The following FRMPD2 variants were observed in gnomAD, a reference collection of about 807,000 sequenced individuals.
The protein encoded by FRMPD2 is FERM and PDZ domain-containing protein 2.
Under a neutral mutation model 140.1 loss-of-function variants are expected in FRMPD2, and 96 were observed. The observed-to-expected ratio is 0.69, with a 90% confidence interval of 0.58 to 0.81. FRMPD2 has a LOEUF of 0.81. Among genes scored for constraint, FRMPD2 ranks in the 40% least tolerant of loss-of-function variants. The probability of loss-of-function intolerance (pLI) is 0.00; values close to 1 mark genes in which losing one functional copy is unlikely to be tolerated. For synonymous variants in FRMPD2, 449 were observed against 547.6 expected, an observed-to-expected ratio of 0.82 and a Z score of 2.52; for missense variants, 1,240 against 1,447.4, an observed-to-expected ratio of 0.86 and a Z score of 2.32.
chr10:48,271,939 G>A (rs1407688838), intron 1 of FRMPD2, among the ~76,000 whole-genome samples: 1 of 152,146 alleles, frequency 6.6e-6, no homozygotes, highest in Non-Finnish European at 1.5e-5. Context: ...ATAAATCCTA[G>A]CTATTCATAT....
At chr10:48,262,294 G>A (rs922729475) in intron 1 of FRMPD2, among the ~76,000 whole-genome samples, 5 of 152,166 alleles carry the variant, frequency 3.3e-5, no homozygotes, top group African/African-American at 1.2e-4. Context: ...CTAAAAGGAT[G>A]TAGACAGATA....
intron 15 of FRMPD2, among the ~76,000 whole-genome samples, chr10:48,199,232 T>C (rs185170079): frequency 7.5e-6 from 1 of 132,936 alleles, no homozygotes; most frequent in Admixed American, 7.4e-5. Flanking sequence ...CCCCTGCATC[T>C]AAAATAAAAG....
chr10:48,186,400 G>A (rs1341100405), intron 17 of FRMPD2, among the ~76,000 whole-genome samples: 1 of 152,176 alleles, frequency 6.6e-6, no homozygotes, highest in Non-Finnish European at 1.5e-5. Flanking sequence ...AACTTGAATT[G>A]TATCTCCCAG....
At position 48,232,263 on chromosome 10, in the gene FRMPD2, A is replaced by G. The variant is rs753866161; in HGVS notation, c.1020T>C (p.Ala340=). Residue 340 remains alanine, a synonymous_variant, in exon 10 of 29, where the codon GCT becomes GCC. Coordinates refer to ENST00000374201, the MANE Select transcript of FRMPD2 (RefSeq NM_001018071.4). ...GCAGGACCACACAGAGGTCCCTGAG[A>G]GCCAAATAGGATTTCCCTTTTTTGG... is the stretch of plus-strand genomic sequence containing the variant. ...VVTKKGKSYL[A]LRDLCVVLLN... 1.2e-6 allele frequency: 2 copies of G among 1,612,296 alleles called. No individual in the cohort carries two copies. The highest frequency in any genetic ancestry group is 1.1e-5 in the South Asian group (1 of 90,744).
chr10:48,169,819 A>G lies in FRMPD2; in HGVS notation c.3439-1126T>C, dbSNP rs1838192233. On this transcript the variant is annotated intron_variant, in intron 26 of 28. Transcript: ENST00000374201. ...AATCTCTGCTTAAGAACTGCTGATC[A>G]AGACACTCCCCAGTCCCTGCTTCAG... is the stretch of plus-strand genomic sequence containing the variant. Among the ~76,000 whole-genome samples the G allele has an allele frequency of 2.2e-5, 2 of 89,508 alleles. 1 individual carries two copies. The highest frequency in any genetic ancestry group is 5.6e-4 in the South Asian group (2 of 3,566). The allele number at this position is 89,508 out of a possible 152,430, so 58.7% of individuals were successfully genotyped here. A position where few individuals can be genotyped will look rare whatever the true frequency, so the allele number is the denominator to read the frequency against.
At chr10:48,220,117 T>C (rs1157941172) in intron 12 of FRMPD2, among the ~76,000 whole-genome samples, 1 of 152,146 alleles carries the variant, frequency 6.6e-6, no homozygotes, top group Non-Finnish European at 1.5e-5. Flanking sequence ...AAAGGTTGGC[T>C]ATTACTATTC....
intron 3 of FRMPD2, chr10:48,248,778 A>G (rs1564439431): frequency 2.9e-6 from 1 of 346,226 alleles, no homozygotes; most frequent in East Asian, 4.7e-5. Flanking sequence ...TGATCAATTA[A>G]GCCACATTAA....
intron 1 of FRMPD2, 130 bp downstream of exon 1, chr10:48,274,413 C>T (rs2131996410): frequency 1.3e-6 from 1 of 771,888 alleles, no homozygotes; most frequent in Admixed American, 2.2e-5. Flanking sequence ...CCAAATAATA[C>T]CACAAAGGGC....
intron 26 of FRMPD2, among the ~76,000 whole-genome samples, chr10:48,170,267 T>C (rs1274036148): frequency 2.0e-5 from 3 of 151,410 alleles, no homozygotes; most frequent in Non-Finnish European, 4.4e-5. Flanking sequence ...GCGGAGGTCA[T>C]TGCTCCTTCC....
chr10:48,177,059 A>G (rs1202877702), intron 22 of FRMPD2, among the ~76,000 whole-genome samples: 1 of 151,124 alleles, frequency 6.6e-6, no homozygotes, highest in Admixed American at 6.6e-5. Flanking sequence ...TCCAACAATG[A>G]CATTCCTGAA....
intron 12 of FRMPD2, among the ~76,000 whole-genome samples, chr10:48,216,396 A>G (rs1314235373): frequency 6.6e-6 from 1 of 152,190 alleles, no homozygotes. Context: ...AGGCTCATAG[A>G]GACAGGTCTG....
At chr10:48,222,840 G>A (rs773889676) in intron 11 of FRMPD2, among the ~76,000 whole-genome samples, 1 of 152,138 alleles carries the variant, frequency 6.6e-6, no homozygotes, top group Admixed American at 6.5e-5. Context: ...TTGGGGGTGA[G>A]GGGGCATTTT....
intron 1 of FRMPD2, among the ~76,000 whole-genome samples, chr10:48,261,943 T>C (rs901252822): frequency 6.6e-6 from 1 of 152,246 alleles, no homozygotes. Flanking sequence ...GAGCAACTAC[T>C]AGAAATATTT....
chr10:48,220,758 T>C (rs1050413872), intron 12 of FRMPD2, among the ~76,000 whole-genome samples: 1 of 151,958 alleles, frequency 6.6e-6, no homozygotes, highest in African/African-American at 2.4e-5. Flanking sequence ...AGCAAACGAT[T>C]TCATCAGAAA....
chr10:48,222,488 T>C (rs1271335241), intron 11 of FRMPD2, 37 bp from the exon 12 acceptor site: 2 of 1,609,952 alleles, frequency 1.2e-6, no homozygotes, highest in Non-Finnish European at 1.7e-6. Flanking sequence ...GCTGGGTTGC[T>C]AAGGGAAAGG....
chr10:48,244,392 T>C (rs771731736), intron 4 of FRMPD2, among the ~76,000 whole-genome samples: 5 of 152,256 alleles, frequency 3.3e-5, no homozygotes, highest in Non-Finnish European at 7.3e-5. Flanking sequence ...CCCAAATCTA[T>C]TGAGCCCAGA....
chr10:48,232,440 A>G (rs898262657), intron 9 of FRMPD2, 151 bp from the exon 10 acceptor site: 2 of 638,586 alleles, frequency 3.1e-6, no homozygotes, highest in Non-Finnish European at 5.3e-6. Context: ...TATGCAGCAG[A>G]TGAGAAACTA....
intron 22 of FRMPD2, among the ~76,000 whole-genome samples, chr10:48,176,914 T>C (rs1838424058): frequency 6.6e-6 from 1 of 152,102 alleles, no homozygotes; most frequent in Non-Finnish European, 1.5e-5. Context: ...TCTAGGTACA[T>C]AGCATTATCA....
At chr10:48,214,017 G>T (rs1018087811) in intron 12 of FRMPD2, among the ~76,000 whole-genome samples, 12 of 152,186 alleles carry the variant, frequency 7.9e-5, no homozygotes, top group Non-Finnish European at 1.3e-4. Context: ...ACTACTGAAA[G>T]GACTTGCTGT....
Sources: allele counts gnomAD v4.1 joint callset (sites outside exome capture counted in the v4.1 genomes callset), GRCh38; gene constraint gnomAD v4.1.1; transcripts MANE v1.5; gene names NCBI Gene and HGNC (gene_info 2026-07-23, HGNC 2026-07-21).